DLG1: variants seen among roughly 807,000 people sequenced by gnomAD.
The protein encoded by DLG1 is disks large homolog 1.
In DLG1, 42 loss-of-function variants were observed where a neutral mutation model predicts 123.4. That is an observed-to-expected ratio of 0.34 (90% CI 0.27 to 0.44). DLG1 has a LOEUF of 0.44. Among genes scored for constraint, DLG1 ranks in the 20% least tolerant of loss-of-function variants. DLG1 has a pLI of 1.00. For missense variants in DLG1, 942 were observed against 1,082.6 expected (o/e 0.87, Z 1.82); for synonymous variants, 317 against 356.2 (o/e 0.89, Z 1.24).
chr3:197,274,258 CG>C (rs1471770713), intron 4 of DLG1, among the ~76,000 whole-genome samples: 1 of 152,134 alleles, frequency 6.6e-6, no homozygotes, highest in Non-Finnish European at 1.5e-5. Flanking sequence ...CACAGACCAA[CG>C]GAACACAACA....
At position 197,097,221 on chromosome 3, in the gene DLG1, G is replaced by A. The variant is rs182024428; in HGVS notation, c.1547-6195C>T. Among the ~76,000 whole-genome samples the A allele has an allele frequency of 8.5e-5, 13 of 152,272 alleles. No homozygotes were observed. In the East Asian group the frequency reaches 1.9e-3, roughly 23 times the overall value. On this transcript the variant is annotated intron_variant, in intron 14 of 24. Transcript: ENST00000667157. ...CTGTGTCATAGGGCCCAGACTGCTC[G>A]TGGCCCCTTCATATCTTAGTGTAGA...
intron 6 of DLG1, among the ~76,000 whole-genome samples, chr3:197,148,308 G>A (rs1792091871): frequency 7.0e-6 from 1 of 141,906 alleles, no homozygotes; most frequent in Non-Finnish European, 1.5e-5. Flanking sequence ...TACATGGGAG[G>A]CTGAGGTGGG....
chr3:197,273,700 G>C (rs1764958872), intron 4 of DLG1, among the ~76,000 whole-genome samples: 1 of 151,930 alleles, frequency 6.6e-6, no homozygotes, highest in African/African-American at 2.4e-5. Context: ...ACACTGAAGG[G>C]CTGAAAGGGG....
intron 4 of DLG1, among the ~76,000 whole-genome samples, chr3:197,273,652 C>A (rs1211538462): frequency 6.6e-6 from 1 of 151,924 alleles, no homozygotes; most frequent in Non-Finnish European, 1.5e-5. Flanking sequence ...TATCCCTTAA[C>A]ACCATTCAGT....
intron 17 of DLG1, chr3:197,080,383 A>T (rs2149051160): frequency 7.1e-6 from 1 of 140,662 alleles, no homozygotes; most frequent in African/African-American, 2.7e-5. Flanking sequence ...GGCTTAAGCA[A>T]TCCTTTCACT....
chr3:197,250,695 G>A (rs1461253022), intron 4 of DLG1, among the ~76,000 whole-genome samples: 1 of 151,930 alleles, frequency 6.6e-6, no homozygotes, highest in Non-Finnish European at 1.5e-5. Flanking sequence ...ATCTATACAG[G>A]AAAACTATAA....
intron 14 of DLG1, among the ~76,000 whole-genome samples, chr3:197,095,507 C>G (rs569124189): frequency 6.6e-6 from 1 of 152,032 alleles, no homozygotes; most frequent in East Asian, 1.9e-4. Flanking sequence ...GCCTGAAGTT[C>G]CCACACAATT....
chr3:197,256,726 C>T (rs1054365099), intron 4 of DLG1, among the ~76,000 whole-genome samples: 1 of 152,110 alleles, frequency 6.6e-6, no homozygotes, highest in East Asian at 1.9e-4. Flanking sequence ...GTTATCAATA[C>T]GAGCTTTCAG....
intron 5 of DLG1, among the ~76,000 whole-genome samples, chr3:197,163,360 A>G (rs1225494109): frequency 2.0e-5 from 3 of 152,170 alleles, no homozygotes; most frequent in Non-Finnish European, 4.4e-5. Flanking sequence ...GTAAATATGC[A>G]CTGGGTAGGC....
At chr3:197,234,127 C>T (rs193170472) in intron 4 of DLG1, among the ~76,000 whole-genome samples, 21 of 152,250 alleles carry the variant, frequency 1.4e-4, no homozygotes, top group African/African-American at 5.1e-4. Context: ...ACCTAGAATA[C>T]CAGAGATAAG....
chr3:197,137,732 G>T (rs2149616902), intron 9 of DLG1, among the ~76,000 whole-genome samples: 1 of 152,234 alleles, frequency 6.6e-6, no homozygotes, highest in East Asian at 1.9e-4. Flanking sequence ...CACTCTGCGG[G>T]GCTGAGGTGG....
intron 4 of DLG1, among the ~76,000 whole-genome samples, chr3:197,221,357 A>G (rs137942563): frequency 2.0e-5 from 3 of 152,124 alleles, no homozygotes; most frequent in African/African-American, 7.2e-5. Flanking sequence ...CATCTCTACT[A>G]AACATACAAA....
At chr3:197,275,389 C>T (rs539822067) in intron 4 of DLG1, among the ~76,000 whole-genome samples, 2 of 152,040 alleles carry the variant, frequency 1.3e-5, no homozygotes, top group African/African-American at 2.4e-5. Context: ...ACTCTCACTG[C>T]GAGGTATACA....
At chr3:197,123,725 C>T (rs992890788) in intron 11 of DLG1, among the ~76,000 whole-genome samples, 1 of 152,138 alleles carries the variant, frequency 6.6e-6, no homozygotes, top group African/African-American at 2.4e-5. Flanking sequence ...AACACAGCAA[C>T]CTCACTCCAT....
chr3:197,290,897 TAAAAAAA>T (rs34807556), intron 3 of DLG1, among the ~76,000 whole-genome samples: 1 of 87,970 alleles, frequency 1.1e-5, no homozygotes, highest in African/African-American at 5.1e-5. Flanking sequence ...CTCCAAATAG[TAAAAAAA>T]AAAAAAAAAA....
chr3:197,154,467 A>T (rs1358836873), intron 5 of DLG1, among the ~76,000 whole-genome samples: 7 of 152,204 alleles, frequency 4.6e-5, no homozygotes, highest in African/African-American at 1.7e-4. Flanking sequence ...CTAGGTCAGG[A>T]GATCGAGACC....
chr3:197,270,155 G>A (rs76196259), intron 4 of DLG1, among the ~76,000 whole-genome samples: 5,589 of 152,218 alleles, frequency 0.037, 165 homozygotes, highest in South Asian at 0.051. Flanking sequence ...TAGTTCAGGA[G>A]CAGTGAAAAC....
At chr3:197,248,276 G>C (rs1752735543) in intron 4 of DLG1, among the ~76,000 whole-genome samples, 1 of 152,076 alleles carries the variant, frequency 6.6e-6, no homozygotes, top group African/African-American at 2.4e-5. Context: ...TTCTAACCTT[G>C]GTCTGTGCAG....
At chr3:197,276,852 CTT>C (rs1447848025) in intron 4 of DLG1, among the ~76,000 whole-genome samples, 1 of 151,946 alleles carries the variant, frequency 6.6e-6, no homozygotes, top group Non-Finnish European at 1.5e-5. Flanking sequence ...AAAAGCCTTC[CTT>C]ATTAAAAATC....
Sources: allele counts gnomAD v4.1 joint callset (sites outside exome capture counted in the v4.1 genomes callset), GRCh38; gene constraint gnomAD v4.1.1; transcripts MANE v1.5; gene names NCBI Gene and HGNC (gene_info 2026-07-23, HGNC 2026-07-21).